The following GDI2 variants were observed in gnomAD, a reference collection of about 807,000 sequenced individuals.
The protein encoded by GDI2 is GDP dissociation inhibitor 2, also known as rab GDP dissociation inhibitor beta.
Under a neutral mutation model 54.2 loss-of-function variants are expected in GDI2, and 22 were observed. That is an observed-to-expected ratio of 0.41 (90% CI 0.29 to 0.58). GDI2 has a LOEUF of 0.58. Among genes scored for constraint, GDI2 ranks in the 20% least tolerant of loss-of-function variants. GDI2 has a pLI of 0.35. For missense variants in GDI2, 422 were observed against 546.0 expected, an observed-to-expected ratio of 0.77 and a Z score of 2.26; for synonymous variants, 177 against 182.1, an observed-to-expected ratio of 0.97 and a Z score of 0.23.
intron 8 of GDI2, among the ~76,000 whole-genome samples, chr10:5,767,514 G>T (rs557800350): frequency 6.6e-6 from 1 of 151,844 alleles, no homozygotes; most frequent in Non-Finnish European, 1.5e-5. Context: ...TTGTAGAGAC[G>T]AGCTCTCACT....
chr10:5,791,495 C>G (rs1361058405), intron 4 of GDI2, among the ~76,000 whole-genome samples: 2 of 151,980 alleles, frequency 1.3e-5, no homozygotes, highest in African/African-American at 4.8e-5. Context: ...CGCCTGTAAC[C>G]CCAGGTCTTT....
intron 2 of GDI2, among the ~76,000 whole-genome samples, chr10:5,797,343 A>C (rs1011911611): frequency 6.6e-5 from 10 of 152,044 alleles, no homozygotes; most frequent in Non-Finnish European, 1.0e-4. Flanking sequence ...TCAGGAGTAC[A>C]AGAAAAGCCA....
intron 7 of GDI2, chr10:5,769,321 CAGCACTTCGG>C (rs1840432826): frequency 6.6e-6 from 1 of 152,168 alleles, no homozygotes; most frequent in African/African-American, 2.4e-5. Flanking sequence ...TCTGTAATCC[CAGCACTTCGG>C]GAGGCCAAGA....
chr10:5,796,672 C>T (rs1841153715), intron 3 of GDI2, 91 bp downstream of exon 3: 1 of 713,062 alleles, frequency 1.4e-6, no homozygotes. Context: ...TCCAGTTCCT[C>T]ATACCCAGAA....
chr10:5,765,976 G>A lies in GDI2; in HGVS notation c.*30C>T, dbSNP rs1840315828. 2 of 1,529,286 alleles carry A rather than the reference G, an allele frequency of 1.3e-6. No homozygotes were observed. The highest frequency in any genetic ancestry group is 2.8e-5 in the African/African-American group (2 of 71,462). 94.7% of individuals were successfully genotyped at this position (1,529,286 alleles called of 1,614,324 possible). A position where few individuals can be genotyped will look rare whatever the true frequency, so the allele number is the denominator to read the frequency against. On this transcript the variant is annotated 3_prime_UTR_variant, in exon 11 of 11. Coordinates refer to ENST00000380191, the MANE Select transcript of GDI2 (RefSeq NM_001494.4). The stretch of plus-strand genomic sequence containing the variant: ...GCATTATTTGCCAAATTTTAAATGT[G>A]TCCTAATTACATAATAACATGTACT...
chr10:5,765,849 TAATA>T lies in GDI2; in HGVS notation c.*153_*156del. 1.8e-6 allele frequency: 1 copy of T among 561,668 alleles called. No homozygotes were observed. 34.8% of individuals were successfully genotyped at this position (561,668 alleles called of 1,614,324 possible). A position where few individuals can be genotyped will look rare whatever the true frequency, so the allele number is the denominator to read the frequency against. ...GAATAGCCACTCCATGAAAACAAGT[TAATA>T]ATTAGAAAGGTGAAGGGGAGTATTT... On this transcript the variant is annotated 3_prime_UTR_variant, in exon 11 of 11. Coordinates refer to ENST00000380191, the MANE Select transcript of GDI2 (RefSeq NM_001494.4).
At chr10:5,787,289 GAGGTCAGGAGTTCAAGA>G (rs1294247311) in intron 4 of GDI2, among the ~76,000 whole-genome samples, 1 of 152,212 alleles carries the variant, frequency 6.6e-6, no homozygotes, top group Non-Finnish European at 1.5e-5. Context: ...TGGATCGCTT[GAGGTCAGGAGTTCAAGA>G]CCAGCCTGAC....
intron 3 of GDI2, among the ~76,000 whole-genome samples, chr10:5,795,868 C>T (rs1272133041): frequency 6.6e-6 from 1 of 152,130 alleles, no homozygotes; most frequent in African/African-American, 2.4e-5. Flanking sequence ...CTTCAGTAAG[C>T]TATGATTGCA....
intron 1 of GDI2, chr10:5,811,816 A>G (rs1331640842): frequency 1.4e-5 from 6 of 444,230 alleles, no homozygotes; most frequent in African/African-American, 8.7e-5. Flanking sequence ...ATAATTGCAT[A>G]TAACTATAAA....
In GDI2 at chr10:5,765,888, G is replaced by A; in HGVS notation, c.*118C>T. ...GTGAAGGGGAGTATTTACTGGCACA[G>A]CGCTCTTCATTCTCTCCATTTTCAT... On this transcript the variant is annotated 3_prime_UTR_variant, in exon 11 of 11. Transcript: ENST00000380191. The A allele has an allele frequency of 1.4e-6, 1 of 740,160 alleles. No individual in the cohort carries two copies. Among genetic ancestry groups the A allele is most frequent in the Non-Finnish European group, 2.2e-6 (1 of 452,374 alleles). The allele number at this position is 740,160 out of a possible 1,614,324, so 45.8% of individuals were successfully genotyped here.
intron 1 of GDI2, among the ~76,000 whole-genome samples, chr10:5,800,929 A>T (rs1841256186): frequency 6.6e-6 from 1 of 152,036 alleles, no homozygotes; most frequent in Admixed American, 6.6e-5. Flanking sequence ...ACACTAAGAC[A>T]TTAGTCACCT....
At chr10:5,792,036 T>C (rs1463570969) in intron 4 of GDI2, among the ~76,000 whole-genome samples, 2 of 152,216 alleles carry the variant, frequency 1.3e-5, no homozygotes, top group African/African-American at 4.8e-5. Flanking sequence ...CTAGATAGCA[T>C]ATTATATGAG....
chr10:5,774,072 G>A lies in GDI2; in HGVS notation c.720-131C>T, dbSNP rs1840561878. 9.9e-6 allele frequency: 5 copies of A among 504,312 alleles called. No homozygotes were observed. The South Asian group carries it at 1.4e-4, about 14-fold the overall frequency. 31.2% of individuals were successfully genotyped at this position (504,312 alleles called of 1,614,324 possible). On this transcript the variant is annotated intron_variant, in intron 6 of 10. Transcript: ENST00000380191. The surrounding 1 kb of genome is among the most constrained non-coding windows in gnomAD (Gnocchi z 4.8). ...TTCCTTCTAGAAAGATGTCAGCTTA[G>A]AAGTGATTAAAGCAAGAAAACAGAG...
intron 1 of GDI2, among the ~76,000 whole-genome samples, chr10:5,806,404 T>TA (rs1355083640): frequency 4.9e-5 from 7 of 143,734 alleles, no homozygotes; most frequent in African/African-American, 1.3e-4. Flanking sequence ...AAAAGAAAAT[T>TA]TAAAAAAAAA....
chr10:5,800,453 C>T (rs1177206543), intron 2 of GDI2, 145 bp downstream of exon 2: 2 of 622,116 alleles, frequency 3.2e-6, no homozygotes, highest in Non-Finnish European at 5.7e-6. Context: ...CTATGAGCTT[C>T]AAACCAGAAG....
At chr10:5,809,095 AT>A (rs1469313135) in intron 1 of GDI2, among the ~76,000 whole-genome samples, 1 of 152,014 alleles carries the variant, frequency 6.6e-6, no homozygotes, top group African/African-American at 2.4e-5. Context: ...AAATACAAAT[AT>A]TAGCTGGGCA....
chr10:5,807,309 C>G lies in GDI2; in HGVS notation c.45+5905G>C, dbSNP rs186258965. ...AAAATTAAATTCTACTACAACCTATCTGATGAATACACAATATTCACAAGC... is the reference window on the plus strand; with the variant it reads ...AAAATTAAATTCTACTACAACCTATGTGATGAATACACAATATTCACAAGC... On this transcript the variant is annotated intron_variant, in intron 1 of 10. Transcript: ENST00000380191. Among the ~76,000 whole-genome samples, 11 of 152,320 alleles carry G rather than the reference C, an allele frequency of 7.2e-5. No homozygotes were observed. The East Asian group carries it at 7.7e-4, about 11-fold the overall frequency.
At chr10:5,788,924 G>A (rs1840942082) in intron 4 of GDI2, among the ~76,000 whole-genome samples, 1 of 152,034 alleles carries the variant, frequency 6.6e-6, no homozygotes. Context: ...CATCAGACCT[G>A]GCTAATTTTT....
At chr10:5,794,188 A>AAAAAATATAT (rs1448053813) in intron 4 of GDI2, among the ~76,000 whole-genome samples, 5 of 40,342 alleles carry the variant, frequency 1.2e-4, no homozygotes, top group African/African-American at 2.0e-4. Context: ...AAAAAAAAAA[A>AAAAAATATAT]ATATATATAT....
Sources: allele counts gnomAD v4.1 joint callset (sites outside exome capture counted in the v4.1 genomes callset), GRCh38; gene constraint gnomAD v4.1.1; non-coding constraint Gnocchi (gnomAD v3.1); transcripts MANE v1.5; gene names NCBI Gene and HGNC (gene_info 2026-07-23, HGNC 2026-07-21).